The following CASZ1 variants were observed in gnomAD, a reference collection of about 807,000 sequenced individuals.
CASZ1 encodes zinc finger protein castor homolog 1.
CASZ1 carries 28 observed loss-of-function variants against 135.2 expected under a neutral mutation model. The observed-to-expected ratio is 0.21, with a 90% CI of 0.15 to 0.28. The LOEUF is 0.28. Among genes scored for constraint, CASZ1 ranks in the 10% least tolerant of loss-of-function variants. The pLI is 1.00. For missense variants in CASZ1, 2,161 were observed against 2,453.3 expected (o/e 0.88, Z 2.52); for synonymous variants, 1,068 against 1,073.4 (o/e 0.99, Z 0.10).
chr1:10,716,608 CAG>C (rs1471424600), intron 2 of CASZ1, among the ~76,000 whole-genome samples: 1 of 152,138 alleles, frequency 6.6e-6, no homozygotes, highest in African/African-American at 2.4e-5. Flanking sequence ...TGCCCCGGTG[CAG>C]AGAGTAAGAA....
At chr1:10,773,954 C>T (rs1035691901) in intron 1 of CASZ1, among the ~76,000 whole-genome samples, 19 of 152,168 alleles carry the variant, frequency 1.2e-4, no homozygotes, top group Middle Eastern at 3.2e-3. Flanking sequence ...TCAGAGCAGA[C>T]GAGTAGACAA....
chr1:10,716,696 G>A (rs1481151634), intron 2 of CASZ1, among the ~76,000 whole-genome samples: 4 of 152,118 alleles, frequency 2.6e-5, no homozygotes, highest in Non-Finnish European at 5.9e-5. Context: ...AGACTGGCCA[G>A]GATGGAGGGG....
At chr1:10,764,038 T>A (rs1640426570) in intron 1 of CASZ1, among the ~76,000 whole-genome samples, 1 of 152,202 alleles carries the variant, frequency 6.6e-6, no homozygotes, top group Non-Finnish European at 1.5e-5. Flanking sequence ...AATTTTTGTA[T>A]TTTTAGTAGA....
chr1:10,657,053 G>C lies in CASZ1; in HGVS notation c.1410-317C>G, dbSNP rs1348491415. Among the ~76,000 whole-genome samples, 1 of 152,196 alleles carries C rather than the reference G, an allele frequency of 6.6e-6. No individual in the cohort carries two copies. Among genetic ancestry groups the C allele is most frequent in the African/African-American group, 2.4e-5 (1 of 41,452 alleles). The stretch of plus-strand genomic sequence containing the variant: ...CGGCTGCCCACCTGTCTTTTCTGCA[G>C]GGGCTACCTGCCCCACTCCCAGCCC... On this transcript the variant is annotated intron_variant, in intron 7 of 20. Coordinates refer to ENST00000377022, the MANE Select transcript of CASZ1 (RefSeq NM_001079843.3). The surrounding 1 kb of genome is among the most constrained non-coding windows in gnomAD (Gnocchi z 5.7).
At chr1:10,736,436 T>A (rs886226966) in intron 2 of CASZ1, among the ~76,000 whole-genome samples, 4 of 152,230 alleles carry the variant, frequency 2.6e-5, no homozygotes, top group Admixed American at 2.6e-4. Context: ...TGGGATGTTC[T>A]GATCCCGTGA....
chr1:10,710,476 A>C (rs977154713), intron 2 of CASZ1, among the ~76,000 whole-genome samples: 2 of 152,200 alleles, frequency 1.3e-5, no homozygotes, highest in African/African-American at 4.8e-5. Flanking sequence ...GGAAGGGTCC[A>C]AGTTGGTGGC....
At chr1:10,690,862 C>A (rs491334) in intron 4 of CASZ1, among the ~76,000 whole-genome samples, 70,568 of 152,044 alleles carry the variant, frequency 0.46, 16,947 homozygotes, top group Non-Finnish European at 0.49. Flanking sequence ...GAGCTCCACC[C>A]GTGCTTCACC....
chr1:10,722,862 A>C (rs1639526752), intron 2 of CASZ1, among the ~76,000 whole-genome samples: 1 of 152,132 alleles, frequency 6.6e-6, no homozygotes, highest in African/African-American at 2.4e-5. Flanking sequence ...CCCCCCCAAA[A>C]AGGCCTGCCC....
At chr1:10,693,816 C>G (rs1473143218) in intron 4 of CASZ1, 58 bp downstream of exon 4, 1 of 1,537,120 alleles carries the variant, frequency 6.5e-7, no homozygotes, top group Non-Finnish European at 9.0e-7. Flanking sequence ...TAAGAACTTC[C>G]GTAAAAGAAG....
chr1:10,648,880 G>A, intron 15 of CASZ1, 190 bp downstream of exon 15: 1 of 732,182 alleles, frequency 1.4e-6, no homozygotes, highest in Non-Finnish European at 2.2e-6. Flanking sequence ...GGGGCTCAGA[G>A]CCCCCGGCTG....
Position 10,699,721 on chromosome 1 carries a change from G to GA in CASZ1, c.-24+5770dup, listed in dbSNP as rs1289928860. 6.6e-6 allele frequency among the ~76,000 whole-genome samples: 1 copy of GA among 152,038 alleles called. No homozygotes were observed. Among genetic ancestry groups the GA allele is most frequent in the Non-Finnish European group, 1.5e-5 (1 of 67,998 alleles). On this transcript the variant is annotated intron_variant, in intron 3 of 20. Coordinates refer to ENST00000377022, the MANE Select transcript of CASZ1 (RefSeq NM_001079843.3). The surrounding 1 kb of genome is among the most constrained non-coding windows in gnomAD (Gnocchi z 4.6). ...CCACTTTGGAGGGAGAGAGAAGGAG[G>GA]AAAAAACCCCAAACCAAAATCCAAC...
chr1:10,703,716 G>A (rs993090275), intron 3 of CASZ1, among the ~76,000 whole-genome samples: 8 of 152,264 alleles, frequency 5.3e-5, no homozygotes, highest in South Asian at 2.1e-4. Context: ...CCTCTCGAGC[G>A]GGGGCCGGAA....
Position 10,759,424 on chromosome 1 carries a change from G to C in CASZ1, c.-77+1277C>G, listed in dbSNP as rs886863237. ...AGGGGACAACGGCAGCACATCCTAA[G>C]TACGACAGACCAACTTCAGGAGCAT... On this transcript the variant is annotated intron_variant, in intron 2 of 20. Coordinates refer to ENST00000377022, the MANE Select transcript of CASZ1 (RefSeq NM_001079843.3). This position sits in a 1 kb window ranked among gnomAD's most constrained non-coding sequence, Gnocchi z 4.2. Among the ~76,000 whole-genome samples, 2 of 152,164 alleles carry C rather than the reference G, an allele frequency of 1.3e-5. No individual in the cohort carries two copies.
chr1:10,783,439 G>A (rs1161957898), intron 1 of CASZ1, among the ~76,000 whole-genome samples: 1 of 151,822 alleles, frequency 6.6e-6, no homozygotes, highest in Non-Finnish European at 1.5e-5. Flanking sequence ...TCCAAATTAG[G>A]TCTCCAGAAG....
At chr1:10,653,221 T>TG in intron 11 of CASZ1, 156 bp downstream of exon 11, 1 of 806,218 alleles carries the variant, frequency 1.2e-6, no homozygotes, top group Non-Finnish European at 2.1e-6. Flanking sequence ...ACCAACAGGA[T>TG]GGGGGCGAAG....
Position 10,639,413 on chromosome 1 carries a change from G to A in CASZ1, c.4809C>T (p.Pro1603=). ...GCCCGGGCGCGGGGCCCTCTGCCGCGGGCTCGCCGCGCTCCTGCTTCTCGT... is the reference window on the plus strand; with the variant it reads ...GCCCGGGCGCGGGGCCCTCTGCCGCAGGCTCGCCGCGCTCCTGCTTCTCGT... The part of the protein sequence containing the change: ...RKHEKQERGE[P]AAEGPAPGPP... The change falls in exon 21 of 21, where the codon CCC becomes CCT. Residue 1603 remains proline, a synonymous_variant. Transcript: ENST00000377022. The surrounding 1 kb of genome is among the most constrained non-coding windows in gnomAD (Gnocchi z 4.0). 3.2e-6 allele frequency: 5 copies of A among 1,553,706 alleles called. No individual in the cohort carries two copies. Among genetic ancestry groups the A allele is most frequent in the Middle Eastern group, 1.7e-4 (1 of 5,958 alleles).
In CASZ1 at chr1:10,647,877, C is replaced by A. The variant is rs370619445; in HGVS notation, c.3421G>T (p.Ala1141Ser). The change falls in exon 16 of 21, where the codon GCC becomes TCC. Residue 1141 changes from alanine to serine, a missense_variant. Coordinates refer to ENST00000377022, the MANE Select transcript of CASZ1 (RefSeq NM_001079843.3). The surrounding 1 kb of genome is among the most constrained non-coding windows in gnomAD (Gnocchi z 4.9). ...QIPASVPHLP[A>S]SPLATTSLEN... Reference sequence around the variant, plus strand: ...AGAGAAGTCGTTGCCAAGGGCGAGGCGGGCAGGTGAGGCACTGACGCTGGG... The same window carrying A: ...AGAGAAGTCGTTGCCAAGGGCGAGGAGGGCAGGTGAGGCACTGACGCTGGG... The A allele has an allele frequency of 1.2e-6, 2 of 1,613,684 alleles. No individual in the cohort carries two copies. The highest frequency in any genetic ancestry group is 2.2e-5 in the East Asian group (1 of 44,876).
chr1:10,644,297 G>A (rs955779188), intron 18 of CASZ1, among the ~76,000 whole-genome samples: 3 of 152,162 alleles, frequency 2.0e-5, no homozygotes, highest in Non-Finnish European at 4.4e-5. Flanking sequence ...TACCTCTCAG[G>A]CATCAGTGGC....
chr1:10,701,088 T>C lies in CASZ1; in HGVS notation c.-24+4404A>G, dbSNP rs1490663937. Among the ~76,000 whole-genome samples the C allele has an allele frequency of 6.6e-6, 1 of 152,166 alleles. No individual in the cohort carries two copies. The highest frequency in any genetic ancestry group is 2.4e-5 in the African/African-American group (1 of 41,446). ...GGCTGGTGTCCATGGGTGTATACCA[T>C]TGGTGCTTACAAATATCTACTTGGG... On this transcript the variant is annotated intron_variant, in intron 3 of 20. Coordinates refer to ENST00000377022, the MANE Select transcript of CASZ1 (RefSeq NM_001079843.3). This position sits in a 1 kb window ranked among gnomAD's most constrained non-coding sequence, Gnocchi z 6.3.
Sources: gnomAD v4.1 joint callset for allele counts (sites outside exome capture counted in the v4.1 genomes callset) on GRCh38, gnomAD v4.1.1 for gene constraint, Gnocchi (gnomAD v3.1) non-coding constraint, MANE v1.5 for transcripts, NCBI Gene and HGNC (gene_info 2026-07-23, HGNC 2026-07-21) for gene names.